The following PLEKHA7 variants were observed in gnomAD, a reference collection of about 807,000 sequenced individuals.
The protein encoded by PLEKHA7 is pleckstrin homology domain containing A7, also known as pleckstrin homology domain-containing family A member 7.
Under a neutral mutation model 170.0 loss-of-function variants are expected in PLEKHA7, and 104 were observed. That is an observed-to-expected ratio of 0.61 (90% CI 0.52 to 0.72). The LOEUF (loss-of-function observed/expected upper bound fraction) is 0.72. Among genes scored for constraint, PLEKHA7 ranks in the 30% least tolerant of loss-of-function variants. The pLI is 0.00. For synonymous variants in PLEKHA7, 648 were observed against 660.8 expected (o/e 0.98, Z 0.30); for missense variants, 1,615 against 1,671.7 (o/e 0.97, Z 0.59).
intron 3 of PLEKHA7, among the ~76,000 whole-genome samples, chr11:16,966,135 A>G (rs938571538): frequency 1.3e-5 from 2 of 152,142 alleles, no homozygotes; most frequent in Non-Finnish European, 2.9e-5. Context: ...GTGAGCTGAG[A>G]TCGCACCATT....
At chr11:16,877,557 A>G (rs1399433654) in intron 3 of PLEKHA7, among the ~76,000 whole-genome samples, 1 of 152,204 alleles carries the variant, frequency 6.6e-6, no homozygotes, top group African/African-American at 2.4e-5. Context: ...GGGGATTGAG[A>G]ATCTACTGAA....
At position 16,783,812 on chromosome 11, in the gene PLEKHA7, A is replaced by C. The variant is rs1208582967; in HGVS notation, c.3538T>G (p.Ser1180Ala). 41 of 1,504,206 alleles carry C rather than the reference A, an allele frequency of 2.7e-5. No homozygotes were observed. The highest frequency in any genetic ancestry group is 3.5e-5 in the Non-Finnish European group (40 of 1,131,688). The allele number at this position is 1,504,206 out of a possible 1,614,324, so 93.2% of individuals were successfully genotyped here. The change falls in exon 25 of 27, where the codon TCA (serine) becomes GCA (alanine). Residue 1180 changes from serine (S) to alanine (A), a missense_variant. Transcript: ENST00000531066. ...AGCTCCACGTAGCGCTCAGGGATTG[A>C]CACCTTCTCTGGTTTGGACAGCTGG... The part of the protein sequence containing the change: ...SRELSKPEKV[S>A]IPERYVELDP...
chr11:16,807,156 C>T lies in PLEKHA7; in HGVS notation c.2008-3861G>A. ...CAGATCATCTTACGCTTCTCCTGGG[C>T]CGACAGCCCCGTGCTGACTTCTTCA... On this transcript the variant is annotated intron_variant, in intron 13 of 26. Coordinates refer to ENST00000531066, the MANE Select transcript of PLEKHA7 (RefSeq NM_001329630.2). The T allele has an allele frequency of 3.0e-6, 3 of 984,932 alleles. No homozygotes were observed. In the African/African-American group the frequency reaches 5.2e-5, roughly 17 times the overall value. The allele number at this position is 984,932 out of a possible 1,614,324, so 61.0% of individuals were successfully genotyped here. A position where few individuals can be genotyped will look rare whatever the true frequency, so the allele number is the denominator to read the frequency against.
At chr11:16,833,193 C>T (rs574412123) in intron 9 of PLEKHA7, among the ~76,000 whole-genome samples, 2 of 152,186 alleles carry the variant, frequency 1.3e-5, no homozygotes, top group African/African-American at 4.8e-5. Context: ...AACAAGAGGG[C>T]TTGACAGCTT....
At chr11:16,852,440 A>T in intron 6 of PLEKHA7, 85 bp from the exon 7 acceptor site, 1 of 1,152,042 alleles carries the variant, frequency 8.7e-7, no homozygotes, top group Non-Finnish European at 1.3e-6. Flanking sequence ...TTCCAGAACC[A>T]AATATTTGCC....
Position 16,868,849 on chromosome 11 carries a change from G to C in PLEKHA7, c.305+2250C>G, listed in dbSNP as rs1854604116. Among the ~76,000 whole-genome samples the C allele has an allele frequency of 2.0e-5, 3 of 152,234 alleles. No individual in the cohort carries two copies. The South Asian group carries it at 6.2e-4, about 31-fold the overall frequency. On this transcript the variant is annotated intron_variant, in intron 4 of 26. Coordinates refer to ENST00000531066, the MANE Select transcript of PLEKHA7 (RefSeq NM_001329630.2). ...AGTAGGAAAGAGGCTACCTTCTGAA[G>C]AGAAGTGGTCAGTAGACAAAGTCTT...
At chr11:16,792,021 G>A (rs758871662) in intron 19 of PLEKHA7, among the ~76,000 whole-genome samples, 12 of 152,134 alleles carry the variant, frequency 7.9e-5, no homozygotes, top group Non-Finnish European at 1.2e-4. Flanking sequence ...ATTTTGCAGA[G>A]TTCAGGAAAG....
At chr11:16,933,769 C>T (rs1408762001) in intron 3 of PLEKHA7, among the ~76,000 whole-genome samples, 1 of 152,220 alleles carries the variant, frequency 6.6e-6, no homozygotes, top group Non-Finnish European at 1.5e-5. Context: ...TAATCAGTGG[C>T]ATCTCATGGT....
chr11:16,885,979 A>G (rs1256173665), intron 3 of PLEKHA7, among the ~76,000 whole-genome samples: 1 of 151,266 alleles, frequency 6.6e-6, no homozygotes, highest in Non-Finnish European at 1.5e-5. Context: ...CAGCCTGGCA[A>G]CAGAGCAAGA....
chr11:16,972,550 G>C (rs2136729091), intron 3 of PLEKHA7, among the ~76,000 whole-genome samples: 1 of 152,220 alleles, frequency 6.6e-6, no homozygotes, highest in Non-Finnish European at 1.5e-5. Flanking sequence ...AGCTGGGACT[G>C]CTGGTGCGCA....
intron 3 of PLEKHA7, among the ~76,000 whole-genome samples, chr11:16,997,290 C>T (rs1357437689): frequency 1.3e-5 from 2 of 152,174 alleles, no homozygotes; most frequent in Non-Finnish European, 2.9e-5. Context: ...TGTCCATGGA[C>T]AAGGAGGTGA....
At chr11:16,993,135 A>G (rs1864144439) in intron 3 of PLEKHA7, among the ~76,000 whole-genome samples, 1 of 152,186 alleles carries the variant, frequency 6.6e-6, no homozygotes, top group Admixed American at 6.5e-5. Context: ...CTCAGTACCA[A>G]GAAACCCTTT....
chr11:16,845,902 C>A (rs1159687676), intron 8 of PLEKHA7, among the ~76,000 whole-genome samples: 1 of 152,022 alleles, frequency 6.6e-6, no homozygotes. Flanking sequence ...TGGCAATGGA[C>A]TGGATATGGG....
rs1221520039 is a variant in PLEKHA7, at chr11:16,914,933, G to A, written c.222-43751C>T. Among the ~76,000 whole-genome samples, 3 of 152,156 alleles carry A rather than the reference G, an allele frequency of 2.0e-5. No individual in the cohort carries two copies. In the South Asian group the frequency reaches 6.2e-4, roughly 32 times the overall value. On this transcript the variant is annotated intron_variant, in intron 3 of 26. Coordinates refer to ENST00000531066, the MANE Select transcript of PLEKHA7 (RefSeq NM_001329630.2). ...GCAGCCTCCAGCATTCATGTCTTTGGAGAAAACATGATGCAGGCCACACCT... is the reference window on the plus strand; with the variant it reads ...GCAGCCTCCAGCATTCATGTCTTTGAAGAAAACATGATGCAGGCCACACCT...
intron 3 of PLEKHA7, among the ~76,000 whole-genome samples, chr11:16,899,297 G>A (rs969352780): frequency 3.3e-5 from 5 of 152,180 alleles, no homozygotes; most frequent in African/African-American, 1.2e-4. Context: ...GGGAGTTTGA[G>A]ACCAGCCTGA....
At chr11:16,820,808 C>G (rs879242428) in intron 10 of PLEKHA7, among the ~76,000 whole-genome samples, 2 of 152,224 alleles carry the variant, frequency 1.3e-5, no homozygotes, top group Admixed American at 6.5e-5. Flanking sequence ...ATCCTCTAAC[C>G]TGTACCCTCC....
intron 3 of PLEKHA7, among the ~76,000 whole-genome samples, chr11:16,885,434 G>A (rs560933227): frequency 5.3e-5 from 8 of 152,076 alleles, no homozygotes; most frequent in Non-Finnish European, 1.0e-4. Flanking sequence ...TGAGGTGGGC[G>A]GATCACTTGA....
chr11:16,817,503 A>C lies in PLEKHA7; in HGVS notation c.1344-181T>G. On this transcript the variant is annotated intron_variant, in intron 10 of 26. Transcript: ENST00000531066. The surrounding 1 kb of genome is among the most constrained non-coding windows in gnomAD (Gnocchi z 4.4). ...CTTCCCCTTTTGGCAGACGACTCCA[A>C]AACCATTTTTCTCTGTCAACTTCCT... is the stretch of plus-strand genomic sequence containing the variant. 5.2e-6 allele frequency: 3 copies of C among 572,932 alleles called. No homozygotes were observed. Among genetic ancestry groups the C allele is most frequent in the South Asian group, 7.4e-5 (2 of 27,110 alleles). The allele number at this position is 572,932 out of a possible 1,614,324, so 35.5% of individuals were successfully genotyped here. A position where few individuals can be genotyped will look rare whatever the true frequency, so the allele number is the denominator to read the frequency against.
chr11:16,838,452 G>A (rs1420166904), intron 9 of PLEKHA7, among the ~76,000 whole-genome samples: 3 of 150,820 alleles, frequency 2.0e-5, no homozygotes, highest in Non-Finnish European at 4.4e-5. Context: ...GTTCGAGGCT[G>A]CAGTGAACTA....
Sources: allele counts gnomAD v4.1 joint callset (sites outside exome capture counted in the v4.1 genomes callset), GRCh38; gene constraint gnomAD v4.1.1; non-coding constraint Gnocchi (gnomAD v3.1); transcripts MANE v1.5; gene names NCBI Gene and HGNC (gene_info 2026-07-23, HGNC 2026-07-21).